Variants in FBLN1 observed in about 807,000 individuals in gnomAD.
FBLN1 encodes fibulin-1.
Under a neutral mutation model 89.7 loss-of-function variants are expected in FBLN1, and 34 were observed. That is an observed-to-expected ratio of 0.38 (90% CI 0.29 to 0.50). FBLN1 has a LOEUF of 0.50. Ranked by LOEUF, FBLN1 falls within the 20% of genes least tolerant of loss-of-function variation. The pLI is 0.92. For synonymous variants in FBLN1, 393 were observed against 391.3 expected (o/e 1.00, Z -0.05); for missense variants, 777 against 988.1 (o/e 0.79, Z 2.86).
chr22:45,577,012 C>T lies in FBLN1; in HGVS notation c.1876C>T (p.Pro626Ser). ...IFLRAITPPH[P>S]ASQANIIFDI... The stretch of plus-strand genomic sequence containing the variant: ...CCTCCGGGCCATCACGCCACCGCAT[C>T]CTGCCAGCCAGGCTAACATCATCTT... The change falls in exon 16 of 17, where the codon CCT becomes TCT. Residue 626 changes from proline (P) to serine (S), a missense_variant. Pro to Ser is a moderately conservative substitution (Grantham distance 74). Coordinates refer to ENST00000327858, the MANE Select transcript of FBLN1 (RefSeq NM_006486.3). This position sits in a 1 kb window ranked among gnomAD's most constrained non-coding sequence, Gnocchi z 6.6. The T allele has an allele frequency of 6.2e-7, 1 of 1,614,172 alleles. No individual in the cohort carries two copies. The highest frequency in any genetic ancestry group is 1.3e-5 in the African/African-American group (1 of 75,058).
chr22:45,585,272 A>AT (rs2089074774), intron 16 of FBLN1, among the ~76,000 whole-genome samples: 1 of 152,130 alleles, frequency 6.6e-6, no homozygotes, highest in African/African-American at 2.4e-5. Flanking sequence ...GTGAATGGAG[A>AT]TATCTACCTA....
rs940965395 is a variant in FBLN1 at position 45,577,776 on chromosome 22, G to A, written c.1972+668G>A. The A allele has an allele frequency of 1.8e-5, 3 of 166,486 alleles. No homozygotes were observed. The highest frequency in any genetic ancestry group is 3.9e-5 in the Non-Finnish European group (3 of 76,048). The allele number at this position is 166,486 out of a possible 1,614,324, so 10.3% of individuals were successfully genotyped here. On this transcript the variant is annotated intron_variant, in intron 16 of 16. Coordinates refer to ENST00000327858, the MANE Select transcript of FBLN1 (RefSeq NM_006486.3). The surrounding 1 kb of genome is among the most constrained non-coding windows in gnomAD (Gnocchi z 6.6). ...TGTGGAAGTCCTGTTGGTGGGTGCA[G>A]GCTGGGGAAGATGTTTACAGGCGGG...
chr22:45,539,208 T>C (rs1335891539), intron 8 of FBLN1, among the ~76,000 whole-genome samples: 5 of 134,966 alleles, frequency 3.7e-5, no homozygotes, highest in Middle Eastern at 3.4e-3. Context: ...TTTTCTTCTT[T>C]TTTTTTTTTT....
chr22:45,597,446 T>A lies in FBLN1; in HGVS notation c.1973-2861T>A, dbSNP rs1030266590. ...GGGTGGTAAGAAGTGTCTCTGCGCCTAGTACCAGTAAAGTTGGCAGGTCAC... is the reference window on the plus strand; with the variant it reads ...GGGTGGTAAGAAGTGTCTCTGCGCCAAGTACCAGTAAAGTTGGCAGGTCAC... On this transcript the variant is annotated intron_variant, in intron 16 of 16. Coordinates refer to ENST00000327858, the MANE Select transcript of FBLN1 (RefSeq NM_006486.3). The surrounding 1 kb of genome is among the most constrained non-coding windows in gnomAD (Gnocchi z 4.2). Among the ~76,000 whole-genome samples, 2 of 152,300 alleles carry A rather than the reference T, an allele frequency of 1.3e-5. No homozygotes were observed. The highest frequency in any genetic ancestry group is 6.5e-5 in the Admixed American group (1 of 15,298).
chr22:45,530,517 G>A lies in FBLN1; in HGVS notation c.485-748G>A, dbSNP rs192231211. On this transcript the variant is annotated intron_variant, in intron 4 of 16. Transcript: ENST00000327858. The surrounding 1 kb of genome is among the most constrained non-coding windows in gnomAD (Gnocchi z 5.4). ...GCAGAAGGTCCCCAGACCAGTGCTG[G>A]CCTGCGACAAATAAGTACAGAAATG... Among the ~76,000 whole-genome samples the A allele has an allele frequency of 6.6e-6, 1 of 152,178 alleles. No individual in the cohort carries two copies. The highest frequency in any genetic ancestry group is 2.4e-5 in the African/African-American group (1 of 41,514).
intron 14 of FBLN1, among the ~76,000 whole-genome samples, chr22:45,573,027 G>A (rs937923066): frequency 1.3e-5 from 2 of 152,106 alleles, no homozygotes; most frequent in Non-Finnish European, 2.9e-5. Flanking sequence ...AGGAGTTCAA[G>A]ACCAGCCCGA....
intron 6 of FBLN1, among the ~76,000 whole-genome samples, chr22:45,533,468 C>G (rs80681): frequency 6.6e-6 from 1 of 152,202 alleles, no homozygotes; most frequent in African/African-American, 2.4e-5. Flanking sequence ...TCCTGGCCCC[C>G]GCGTCTGTGA....
chr22:45,523,041 GA>G, intron 2 of FBLN1: 1 of 660,448 alleles, frequency 1.5e-6, no homozygotes, highest in Non-Finnish European at 2.9e-6. Flanking sequence ...TGCCGTGGGG[GA>G]AACAGGGAGG....
chr22:45,564,806 G>A, intron 14 of FBLN1: 1 of 1,575,886 alleles, frequency 6.3e-7, no homozygotes, highest in Non-Finnish European at 8.7e-7. Context: ...TCTGTTCAGG[G>A]AACAGATGAC....
At chr22:45,542,388 A>G (rs2088569296) in intron 10 of FBLN1, 105 bp downstream of exon 10, 2 of 1,456,908 alleles carry the variant, frequency 1.4e-6, no homozygotes, top group African/African-American at 1.4e-5. Flanking sequence ...ATCTCAGATA[A>G]TCCCAAGTGC....
In FBLN1 at chr22:45,532,676, C is replaced by G. The variant is rs910782526; in HGVS notation, c.545-387C>G. ...GTGGGCTTGGAGCAGTGGGACAGCTCGAGAGTTCAGTGAGGAGCAGGTACA... is the reference window on the plus strand; with the variant it reads ...GTGGGCTTGGAGCAGTGGGACAGCTGGAGAGTTCAGTGAGGAGCAGGTACA... On this transcript the variant is annotated intron_variant, in intron 5 of 16. Coordinates refer to ENST00000327858, the MANE Select transcript of FBLN1 (RefSeq NM_006486.3). This position sits in a 1 kb window ranked among gnomAD's most constrained non-coding sequence, Gnocchi z 4.2. Among the ~76,000 whole-genome samples the G allele has an allele frequency of 6.6e-6, 1 of 152,008 alleles. No individual in the cohort carries two copies. The highest frequency in any genetic ancestry group is 1.5e-5 in the Non-Finnish European group (1 of 67,988).
At chr22:45,565,345 C>T (rs944581233) in intron 14 of FBLN1, 2 of 1,164,858 alleles carry the variant, frequency 1.7e-6, no homozygotes, top group African/African-American at 3.2e-5. Flanking sequence ...CCTGCCCCAC[C>T]CCAGCTCATC....
rs2146968450 is a variant in FBLN1 at position 45,532,820 on chromosome 22, C to G, written c.545-243C>G. ...TCCACCCCAGCCTACAAAGGGCACC[C>G]TGCACACCACCTGATTTTCCAGACG... On this transcript the variant is annotated intron_variant, in intron 5 of 16. Coordinates refer to ENST00000327858, the MANE Select transcript of FBLN1 (RefSeq NM_006486.3). This position sits in a 1 kb window ranked among gnomAD's most constrained non-coding sequence, Gnocchi z 4.2. The G allele has an allele frequency of 1.7e-6, 1 of 588,580 alleles. No homozygotes were observed. The allele number at this position is 588,580 out of a possible 1,614,324, so 36.5% of individuals were successfully genotyped here. A position where few individuals can be genotyped will look rare whatever the true frequency, so the allele number is the denominator to read the frequency against.
At position 45,569,262 on chromosome 22, in the gene FBLN1, A is replaced by G. The variant is rs1192997131; in HGVS notation, c.1698-5249A>G. On this transcript the variant is annotated intron_variant, in intron 14 of 16. Coordinates refer to ENST00000327858, the MANE Select transcript of FBLN1 (RefSeq NM_006486.3). ...ATACCTCTAAAGTCCCTATCTCCAAATGCAGTCACATTCAACGAGGTAATT... is the reference window on the plus strand; with the variant it reads ...ATACCTCTAAAGTCCCTATCTCCAAGTGCAGTCACATTCAACGAGGTAATT... Among the ~76,000 whole-genome samples the G allele has an allele frequency of 3.3e-5, 5 of 152,210 alleles. No homozygotes were observed. The East Asian group carries it at 9.6e-4, about 29-fold the overall frequency.
intron 8 of FBLN1, among the ~76,000 whole-genome samples, chr22:45,539,670 C>T (rs1219472645): frequency 2.6e-5 from 4 of 152,218 alleles, no homozygotes; most frequent in African/African-American, 9.6e-5. Flanking sequence ...TGGGCTTTTC[C>T]CATGTGAATC....
chr22:45,546,278 T>C (rs574447908), intron 11 of FBLN1, among the ~76,000 whole-genome samples: 2 of 152,184 alleles, frequency 1.3e-5, no homozygotes, highest in East Asian at 1.9e-4. Flanking sequence ...AGTGCAGTGG[T>C]GTGATCTTGG....
rs1601533914 is a variant in FBLN1, at chr22:45,577,505, T to C, written c.1972+397T>C. On this transcript the variant is annotated intron_variant, in intron 16 of 16. Transcript: ENST00000327858. The surrounding 1 kb of genome is among the most constrained non-coding windows in gnomAD (Gnocchi z 6.6). ...TGGGAGCTAAGGGGATTGTTATTCT[T>C]GGGGTGCAATGGGAGGGATAGCAAA... Among the ~76,000 whole-genome samples, 1 of 152,214 alleles carries C rather than the reference T, an allele frequency of 6.6e-6. No individual in the cohort carries two copies. Among genetic ancestry groups the C allele is most frequent in the South Asian group, 2.1e-4 (1 of 4,828 alleles).
In FBLN1 at chr22:45,555,248, C is replaced by CATATATATATATAT. The variant is rs71779159; in HGVS notation, c.1697+4637_1697+4650dup. 4.5e-4 allele frequency among the ~76,000 whole-genome samples: 61 copies of CATATATATATATAT among 135,098 alleles called. 1 individual carries two copies. In the East Asian group the frequency reaches 8.8e-3, roughly 19 times the overall value. The allele number at this position is 135,098 out of a possible 152,430, so 88.6% of individuals were successfully genotyped here. On this transcript the variant is annotated intron_variant, in intron 14 of 16. Coordinates refer to ENST00000327858, the MANE Select transcript of FBLN1 (RefSeq NM_006486.3). ...AGAGGGACAGAACTAATGGAATATA[C>CATATATATATATAT]ATATATATATATATATAAAATGGAA... is the stretch of plus-strand genomic sequence containing the variant.
At chr22:45,529,347 GC>G (rs1190207768) in intron 4 of FBLN1, among the ~76,000 whole-genome samples, 2 of 152,178 alleles carry the variant, frequency 1.3e-5, no homozygotes, top group East Asian at 1.9e-4. Context: ...TCAGCTGTGT[GC>G]CCCCCCGTTC....
Sources: gnomAD v4.1 joint callset for allele counts (sites outside exome capture counted in the v4.1 genomes callset) on GRCh38, gnomAD v4.1.1 for gene constraint, Gnocchi (gnomAD v3.1) non-coding constraint, MANE v1.5 for transcripts, NCBI Gene and HGNC (gene_info 2026-07-23, HGNC 2026-07-21) for gene names.